Variants in PHF21A observed in about 807,000 individuals in gnomAD.
PHF21A encodes the protein BHC80a.
In PHF21A, 11 loss-of-function variants were observed where a neutral mutation model predicts 82.5. That is an observed-to-expected ratio of 0.13 (90% confidence interval 0.08 to 0.22). The LOEUF is 0.22. PHF21A is among the 10% of genes least tolerant of loss of function. PHF21A has a pLI of 1.00. For synonymous variants in PHF21A, 297 were observed against 302.8 expected (o/e 0.98, Z 0.20); for missense variants, 579 against 837.8 (o/e 0.69, Z 3.81).
chr11:46,117,232 C>T (rs1235153807), intron 1 of PHF21A: 2 of 152,190 alleles, frequency 1.3e-5, no homozygotes, highest in Non-Finnish European at 1.5e-5. Context: ...ATCAAACTTT[C>T]TAGCATCCCC....
At chr11:46,081,295 TAG>T (rs1393439881) in intron 4 of PHF21A, among the ~76,000 whole-genome samples, 4 of 152,252 alleles carry the variant, frequency 2.6e-5, no homozygotes, top group African/African-American at 9.6e-5. Context: ...ACCTACAAAA[TAG>T]AAACAATACA....
intron 6 of PHF21A, among the ~76,000 whole-genome samples, chr11:45,992,065 A>G (rs1337184034): frequency 6.6e-6 from 1 of 152,212 alleles, no homozygotes; most frequent in East Asian, 1.9e-4. Context: ...ACTGACATCA[A>G]CTGGAGAGGC....
rs533684608 is a variant in PHF21A at position 45,958,387 on chromosome 11, A to G, written c.997-4762T>C. Among the ~76,000 whole-genome samples the G allele has an allele frequency of 1.4e-3, 123 of 89,924 alleles. 1 individual carries two copies. Among genetic ancestry groups the G allele is most frequent in the Middle Eastern group, 6.3e-3 (1 of 160 alleles). The allele number at this position is 89,924 out of a possible 152,430, so 59.0% of individuals were successfully genotyped here. On this transcript the variant is annotated intron_variant, in intron 10 of 18. Coordinates refer to ENST00000676320, the MANE Select transcript of PHF21A (RefSeq NM_001352027.3). ...AGACCAGCCTGAGCAACATGACAAAACCTGGTCTCAAAAAAAAAAAAAAAA... is the reference window on the plus strand; with the variant it reads ...AGACCAGCCTGAGCAACATGACAAAGCCTGGTCTCAAAAAAAAAAAAAAAA...
chr11:46,026,031 A>G (rs531258973), intron 6 of PHF21A, among the ~76,000 whole-genome samples: 5 of 152,298 alleles, frequency 3.3e-5, no homozygotes, highest in African/African-American at 1.2e-4. Flanking sequence ...CTTTAAGTAA[A>G]AGAGAGTCTC....
intron 6 of PHF21A, among the ~76,000 whole-genome samples, chr11:45,982,783 C>A (rs956839947): frequency 1.3e-5 from 2 of 152,060 alleles, no homozygotes; most frequent in African/African-American, 2.4e-5. Flanking sequence ...ACAAAAACAA[C>A]AATAAAAAAC....
In PHF21A at chr11:46,001,695, T is replaced by C. The variant is rs186301913; in HGVS notation, c.154-21729A>G. 6.6e-5 allele frequency among the ~76,000 whole-genome samples: 10 copies of C among 152,282 alleles called. No individual in the cohort carries two copies. The East Asian group carries it at 1.7e-3, about 26-fold the overall frequency. On this transcript the variant is annotated intron_variant, in intron 6 of 18. Coordinates refer to ENST00000676320, the MANE Select transcript of PHF21A (RefSeq NM_001352027.3). ...AAGAGAAAGGCTGTGTGCATCAGAG[T>C]TAACTGGTATGATAGGCCATGGGAG...
intron 1 of PHF21A, among the ~76,000 whole-genome samples, chr11:46,099,816 T>A (rs2097066212): frequency 6.6e-6 from 1 of 152,186 alleles, no homozygotes; most frequent in Admixed American, 6.5e-5. Flanking sequence ...GTTTCCAGCC[T>A]GAAAGAAAAT....
chr11:45,981,871 G>GT (rs2094300723), intron 6 of PHF21A, among the ~76,000 whole-genome samples: 1 of 140,810 alleles, frequency 7.1e-6, no homozygotes, highest in Non-Finnish European at 1.5e-5. Flanking sequence ...AAATCTTTAA[G>GT]TAAAAAAAAA....
chr11:45,982,314 A>G (rs1361728456), intron 6 of PHF21A, among the ~76,000 whole-genome samples: 1 of 152,124 alleles, frequency 6.6e-6, no homozygotes, highest in Non-Finnish European at 1.5e-5. Context: ...CTAAAATATC[A>G]TATAAAGGCC....
At chr11:46,011,970 C>T (rs780550168) in intron 6 of PHF21A, among the ~76,000 whole-genome samples, 2 of 152,176 alleles carry the variant, frequency 1.3e-5, no homozygotes, top group Non-Finnish European at 2.9e-5. Flanking sequence ...TCTAGATTTC[C>T]AGATGACTAT....
intron 18 of PHF21A, chr11:45,934,971 T>C: frequency 2.0e-6 from 1 of 493,760 alleles, no homozygotes; most frequent in Non-Finnish European, 3.7e-6. Context: ...CCACCTGGTA[T>C]CCATGAGGGC....
intron 16 of PHF21A, among the ~76,000 whole-genome samples, chr11:45,937,913 T>A (rs2135116690): frequency 6.6e-6 from 1 of 152,370 alleles, no homozygotes; most frequent in South Asian, 2.1e-4. Context: ...GGGTCTTGAC[T>A]TTTAAAGAGA....
intron 12 of PHF21A, 133 bp from the exon 13 acceptor site, chr11:45,949,614 A>G (rs2091836253): frequency 1.3e-6 from 1 of 744,272 alleles, no homozygotes; most frequent in African/African-American, 1.7e-5. Context: ...CTGAAGCCTC[A>G]GCAGAGGCAA....
intron 6 of PHF21A, among the ~76,000 whole-genome samples, chr11:46,050,874 A>G (rs1344244023): frequency 1.3e-5 from 2 of 152,152 alleles, no homozygotes; most frequent in Non-Finnish European, 2.9e-5. Flanking sequence ...CCTCTCTACT[A>G]TTTGCCAGAG....
chr11:46,039,211 T>A (rs2096074561), intron 6 of PHF21A, among the ~76,000 whole-genome samples: 1 of 152,202 alleles, frequency 6.6e-6, no homozygotes, highest in African/African-American at 2.4e-5. Context: ...TAATGAAACG[T>A]TTAAAAAGTT....
chr11:46,084,937 C>G (rs1231655616), intron 3 of PHF21A, among the ~76,000 whole-genome samples: 1 of 152,088 alleles, frequency 6.6e-6, no homozygotes, highest in Non-Finnish European at 1.5e-5. Flanking sequence ...ATCTCAGCCT[C>G]CCAAAGTGCT....
chr11:46,101,073 G>C (rs2097090026), intron 1 of PHF21A, among the ~76,000 whole-genome samples: 1 of 152,208 alleles, frequency 6.6e-6, no homozygotes, highest in Non-Finnish European at 1.5e-5. Context: ...CTTATGCTAA[G>C]AAATGGTGGT....
chr11:46,120,136 C>T (rs1852703934), intron 1 of PHF21A, among the ~76,000 whole-genome samples: 1 of 149,082 alleles, frequency 6.7e-6, no homozygotes, highest in African/African-American at 2.5e-5. Context: ...CACTCACACT[C>T]ACACACACAC....
intron 6 of PHF21A, among the ~76,000 whole-genome samples, chr11:45,982,245 C>G (rs917124601): frequency 6.6e-6 from 1 of 152,064 alleles, no homozygotes; most frequent in African/African-American, 2.4e-5. Context: ...GCATAAGCCA[C>G]CACGCCCGGC....
Sources: gnomAD v4.1 joint callset for allele counts (sites outside exome capture counted in the v4.1 genomes callset) on GRCh38, gnomAD v4.1.1 for gene constraint, MANE v1.5 for transcripts, NCBI Gene and HGNC (gene_info 2026-07-23, HGNC 2026-07-21) for gene names.